The following MAP4K5 variants were observed in gnomAD, a reference collection of about 807,000 sequenced individuals.
MAP4K5 encodes the protein mitogen-activated protein kinase kinase kinase kinase 5, also known as MAPK/ERK kinase kinase kinase 5.
Under a neutral mutation model 135.6 loss-of-function variants are expected in MAP4K5, and 82 were observed. The observed-to-expected ratio is 0.60, with a 90% CI of 0.51 to 0.73. MAP4K5 has a LOEUF of 0.73. Among genes scored for constraint, MAP4K5 ranks in the 30% least tolerant of loss-of-function variants. The pLI is 0.00. For missense variants in MAP4K5, 907 were observed against 1,010.9 expected (o/e 0.90, Z 1.39); for synonymous variants, 347 against 335.0 (o/e 1.04, Z -0.39).
At chr14:50,492,747 T>C (rs904501949) in intron 3 of MAP4K5, among the ~76,000 whole-genome samples, 8 of 152,202 alleles carry the variant, frequency 5.3e-5, no homozygotes, top group Non-Finnish European at 1.2e-4. Flanking sequence ...ATCAGACTCA[T>C]GCCTATCCTA....
intron 14 of MAP4K5, chr14:50,449,035 CT>C: frequency 2.0e-6 from 1 of 494,792 alleles, no homozygotes. Flanking sequence ...TTCCTAACAT[CT>C]CTACTTAATT....
Position 50,552,421 on chromosome 14 carries a change from T to A in MAP4K5, c.-180+8619A>T, listed in dbSNP as rs190162127. Among the ~76,000 whole-genome samples the A allele has an allele frequency of 7.9e-5, 12 of 152,334 alleles. No homozygotes were observed. In the East Asian group the frequency reaches 2.3e-3, roughly 29 times the overall value. On this transcript the variant is annotated intron_variant, in intron 1 of 8. Transcript: ENST00000555216. ...GCTCATGAATAGGTAGAATCAATATTGTGAACATGACCATACTGCCAAAAG... is the reference window on the plus strand; with the variant it reads ...GCTCATGAATAGGTAGAATCAATATAGTGAACATGACCATACTGCCAAAAG...
chr14:50,476,610 G>A (rs2037105209), intron 6 of MAP4K5, among the ~76,000 whole-genome samples: 1 of 152,092 alleles, frequency 6.6e-6, no homozygotes, highest in Non-Finnish European at 1.5e-5. Context: ...ACAGGCATGC[G>A]CCACTATGCC....
chr14:50,471,498 C>T (rs567931732), intron 9 of MAP4K5, among the ~76,000 whole-genome samples: 1 of 151,962 alleles, frequency 6.6e-6, no homozygotes, highest in African/African-American at 2.4e-5. Context: ...AGAAAAACCC[C>T]GAGAACAGAA....
At chr14:50,496,127 C>A (rs1463812675) in intron 3 of MAP4K5, among the ~76,000 whole-genome samples, 2 of 152,002 alleles carry the variant, frequency 1.3e-5, no homozygotes, top group Non-Finnish European at 2.9e-5. Context: ...GAGTTCAAGA[C>A]CAGCCTGGCC....
intron 6 of MAP4K5, among the ~76,000 whole-genome samples, chr14:50,481,963 C>A (rs776132867): frequency 1.3e-5 from 2 of 152,112 alleles, no homozygotes; most frequent in African/African-American, 2.4e-5. Context: ...CCTTTTACTG[C>A]CATAAACTTG....
At chr14:50,502,799 C>T (rs924886338) in intron 3 of MAP4K5, among the ~76,000 whole-genome samples, 7 of 151,986 alleles carry the variant, frequency 4.6e-5, no homozygotes, top group African/African-American at 1.7e-4. Flanking sequence ...TTATGACAAC[C>T]AAGGCACTTC....
chr14:50,475,189 T>C, intron 8 of MAP4K5, 40 bp from the exon 9 acceptor site: 1 of 1,445,880 alleles, frequency 6.9e-7, no homozygotes, highest in Non-Finnish European at 9.7e-7. Flanking sequence ...TTCTTTACAA[T>C]ACACCAAACA....
chr14:50,547,064 G>A (rs750849511), intron 1 of MAP4K5, among the ~76,000 whole-genome samples: 15 of 152,038 alleles, frequency 9.9e-5, no homozygotes, highest in Admixed American at 4.6e-4. Context: ...ATGGACACAG[G>A]GGGAGGGGGG....
rs199781564 is a variant in MAP4K5, at chr14:50,481,292, C to CTA, written c.378+1067_378+1068dup. Among the ~76,000 whole-genome samples, 345 of 148,696 alleles carry CTA rather than the reference C, an allele frequency of 2.3e-3. 1 individual carries two copies. The highest frequency in any genetic ancestry group is 6.8e-3 in the African/African-American group (278 of 40,868). On this transcript the variant is annotated intron_variant, in intron 6 of 32. Transcript: ENST00000682126. Reference sequence around the variant, plus strand: ...GTACATACATATATATTACACATCTCTATATATATATATAAATATATATAT... The same window carrying CTA: ...GTACATACATATATATTACACATCTCTATATATATATATATAAATATATATAT...
chr14:50,473,763 G>A lies in MAP4K5; in HGVS notation c.542+1314C>T, dbSNP rs562082874. Among the ~76,000 whole-genome samples the A allele has an allele frequency of 3.0e-4, 36 of 121,558 alleles. No individual in the cohort carries two copies. In the East Asian group the frequency reaches 6.1e-3, roughly 20 times the overall value. 79.7% of individuals were successfully genotyped at this position (121,558 alleles called of 152,430 possible). On this transcript the variant is annotated intron_variant, in intron 9 of 32. Transcript: ENST00000682126. ...TTTTGAGACGGAGTCTCGCTCTGTC[G>A]CCCAGGCTGGAGTGCAGTGGTGCGC... is the stretch of plus-strand genomic sequence containing the variant.
intron 2 of MAP4K5, among the ~76,000 whole-genome samples, chr14:50,506,967 G>C (rs1204332674): frequency 6.6e-6 from 1 of 152,104 alleles, no homozygotes; most frequent in Non-Finnish European, 1.5e-5. Context: ...AAGGCTATGT[G>C]CACGTAGATT....
At chr14:50,516,432 A>G (rs2140069795) in intron 2 of MAP4K5, among the ~76,000 whole-genome samples, 1 of 152,338 alleles carries the variant, frequency 6.6e-6, no homozygotes. Flanking sequence ...TGGACTGAAA[A>G]CAGAGTTGGG....
chr14:50,559,967 G>T, intron 1 of MAP4K5: 3 of 480,108 alleles, frequency 6.2e-6, no homozygotes, highest in Non-Finnish European at 1.1e-5. Flanking sequence ...GTTTTCCGTT[G>T]AAAATGTTGC....
intron 10 of MAP4K5, among the ~76,000 whole-genome samples, chr14:50,467,396 A>G (rs200053742): frequency 1.3e-5 from 2 of 152,022 alleles, no homozygotes. Flanking sequence ...CTATTATTTA[A>G]AATTTTCTAA....
At chr14:50,489,392 A>G (rs973607145) in intron 3 of MAP4K5, among the ~76,000 whole-genome samples, 1 of 152,210 alleles carries the variant, frequency 6.6e-6, no homozygotes, top group Admixed American at 6.5e-5. Flanking sequence ...TTTATTCTTC[A>G]CACCCTGACA....
At chr14:50,553,191 G>C (rs2038724110) in intron 1 of MAP4K5, among the ~76,000 whole-genome samples, 1 of 151,252 alleles carries the variant, frequency 6.6e-6, no homozygotes, top group Non-Finnish European at 1.5e-5. Flanking sequence ...AGCTACTCAG[G>C]AGGCTGAAGC....
intron 6 of MAP4K5, among the ~76,000 whole-genome samples, chr14:50,480,013 G>T (rs1240578336): frequency 2.7e-5 from 4 of 150,798 alleles, no homozygotes; most frequent in Non-Finnish European, 5.9e-5. Flanking sequence ...CATATATTTT[G>T]CCTACTTTAT....
chr14:50,458,469 A>G (rs775378130), intron 13 of MAP4K5, among the ~76,000 whole-genome samples: 1 of 152,114 alleles, frequency 6.6e-6, no homozygotes, highest in African/African-American at 2.4e-5. Context: ...ATTGCAATAC[A>G]TATCTTTCAA....
Sources: allele counts gnomAD v4.1 joint callset (sites outside exome capture counted in the v4.1 genomes callset), GRCh38; gene constraint gnomAD v4.1.1; transcripts MANE v1.5; gene names NCBI Gene and HGNC (gene_info 2026-07-23, HGNC 2026-07-21).